GRK4: variants seen among roughly 807,000 people sequenced by gnomAD.
The protein encoded by GRK4 is G protein-coupled receptor kinase 2-like.
A neutral mutation model predicts 77.9 loss-of-function variants in GRK4; 73 were observed. The ratio of observed to expected loss-of-function variants is 0.94; its 90% CI spans 0.78 to 1.14. The LOEUF (loss-of-function observed/expected upper bound fraction) is 1.14. GRK4 is among the 50% of genes most tolerant of loss of function. GRK4 has a pLI of 0.00. For synonymous variants in GRK4, 257 were observed against 254.4 expected, an observed-to-expected ratio of 1.01 and a Z score of -0.10; for missense variants, 729 against 700.2, an observed-to-expected ratio of 1.04 and a Z score of -0.46.
intron 14 of GRK4, 82 bp downstream of exon 14, chr4:3,037,593 G>GTC (rs1741132241): frequency 7.0e-7 from 1 of 1,429,984 alleles, no homozygotes; most frequent in South Asian, 1.3e-5. Flanking sequence ...CCGTGTGTGT[G>GTC]TGTGTGTCTG....
chr4:2,998,066 A>C (rs551807192), intron 4 of GRK4, among the ~76,000 whole-genome samples: 1 of 152,186 alleles, frequency 6.6e-6, no homozygotes, highest in South Asian at 2.1e-4. Flanking sequence ...AAAAAGAAAT[A>C]AAAGGTATTC....
At chr4:3,019,976 A>C (rs945356953) in intron 9 of GRK4, 145 bp downstream of exon 9, 27 of 747,022 alleles carry the variant, frequency 3.6e-5, no homozygotes, top group Non-Finnish European at 5.4e-5. Flanking sequence ...AGGGTTGGTC[A>C]CTTACACTAT....
chr4:3,039,725 A>T (rs1262588543), intron 15 of GRK4, among the ~76,000 whole-genome samples: 1 of 151,990 alleles, frequency 6.6e-6, no homozygotes, highest in Non-Finnish European at 1.5e-5. Context: ...AAAGGAAAAA[A>T]AAATAAGCTT....
At chr4:2,978,479 G>A (rs957655447) in intron 1 of GRK4, among the ~76,000 whole-genome samples, 3 of 152,216 alleles carry the variant, frequency 2.0e-5, no homozygotes, top group Non-Finnish European at 2.9e-5. Flanking sequence ...AAGGGGAAAG[G>A]AAGAGGAAGC....
intron 4 of GRK4, among the ~76,000 whole-genome samples, chr4:3,000,492 C>T (rs1729187691): frequency 6.6e-6 from 1 of 152,012 alleles, no homozygotes; most frequent in South Asian, 2.1e-4. Flanking sequence ...GTGCCTGGAA[C>T]AATGCATATT....
At chr4:3,018,405 G>A (rs1429001409) in intron 8 of GRK4, among the ~76,000 whole-genome samples, 1 of 152,146 alleles carries the variant, frequency 6.6e-6, no homozygotes, top group Non-Finnish European at 1.5e-5. Flanking sequence ...GAGGTGGTGT[G>A]CACCTGTAGT....
chr4:2,993,293 C>T (rs1330297610), intron 4 of GRK4, among the ~76,000 whole-genome samples: 1 of 152,168 alleles, frequency 6.6e-6, no homozygotes. Flanking sequence ...CATGTGACTT[C>T]TGTTAGAAGT....
intron 8 of GRK4, 50 bp from the exon 9 acceptor site, chr4:3,019,591 C>T: frequency 7.0e-7 from 1 of 1,423,392 alleles, no homozygotes; most frequent in Non-Finnish European, 9.7e-7. Flanking sequence ...AGGAAATCAC[C>T]AATGAAAGAG....
rs772173426 is a variant in GRK4 at position 3,035,428 on chromosome 4, G to A, written c.1312G>A (p.Glu438Lys). Residue 438 changes from glutamate to lysine, a missense_variant, in exon 13 of 16, where the codon GAG (glutamate) becomes AAG (lysine). Coordinates refer to ENST00000398052, the MANE Select transcript of GRK4 (RefSeq NM_182982.3). The part of the protein sequence containing the change: ...NPSKRLGCRG[E>K]GAAGVKQHPV... ...AAGCAAGCGGCTGGGCTGCAGGGGC[G>A]AGGGAGCGGCTGGGGTGAAGCAGCA... 4.9e-5 allele frequency: 79 copies of A among 1,613,768 alleles called. No individual in the cohort carries two copies. Among genetic ancestry groups the A allele is most frequent in the Middle Eastern group, 1.7e-4 (1 of 6,022 alleles).
intron 10 of GRK4, among the ~76,000 whole-genome samples, chr4:3,025,294 C>G (rs1357025520): frequency 6.7e-6 from 1 of 150,036 alleles, no homozygotes; most frequent in East Asian, 1.9e-4. Context: ...AAAAAAGTCA[C>G]TCAGTATCAT....
At chr4:2,994,305 G>A (rs1727163880) in intron 4 of GRK4, among the ~76,000 whole-genome samples, 2 of 152,204 alleles carry the variant, frequency 1.3e-5, no homozygotes, top group Admixed American at 1.3e-4. Context: ...CTGCCTCCCG[G>A]GTTCAAGTGA....
At chr4:2,991,675 C>G (rs775042311) in intron 3 of GRK4, among the ~76,000 whole-genome samples, 3 of 152,116 alleles carry the variant, frequency 2.0e-5, no homozygotes, top group Non-Finnish European at 4.4e-5. Context: ...CCACACCCAG[C>G]TAATTTTTGT....
intron 13 of GRK4, among the ~76,000 whole-genome samples, chr4:3,036,440 G>A (rs1226872651): frequency 6.6e-6 from 1 of 152,262 alleles, no homozygotes; most frequent in African/African-American, 2.4e-5. Flanking sequence ...GGCCTTTGGA[G>A]CCACTGCTTT....
At chr4:3,040,310 G>A (rs1161979529) in intron 15 of GRK4, among the ~76,000 whole-genome samples, 2 of 152,036 alleles carry the variant, frequency 1.3e-5, no homozygotes, top group African/African-American at 2.4e-5. Context: ...GTGTGGTGGC[G>A]TGTGGCTGTG....
At chr4:3,017,742 A>AC (rs1367304233) in intron 8 of GRK4, among the ~76,000 whole-genome samples, 1 of 152,246 alleles carries the variant, frequency 6.6e-6, no homozygotes. Context: ...AAAGGGAAGA[A>AC]CCATATGGTC....
At chr4:3,035,272 G>A in intron 12 of GRK4, 114 bp from the exon 13 acceptor site, 1 of 1,033,468 alleles carries the variant, frequency 9.7e-7, no homozygotes, top group Non-Finnish European at 1.5e-6. Context: ...GAAATGATTT[G>A]TTAGATGCAC....
At chr4:3,011,869 T>C (rs550525765) in intron 7 of GRK4, among the ~76,000 whole-genome samples, 3 of 152,182 alleles carry the variant, frequency 2.0e-5, no homozygotes, top group African/African-American at 7.2e-5. Flanking sequence ...GTAAAGGAAT[T>C]GAGTAGACAT....
intron 11 of GRK4, among the ~76,000 whole-genome samples, chr4:3,028,898 A>G (rs1738354603): frequency 6.6e-6 from 1 of 151,866 alleles, no homozygotes; most frequent in African/African-American, 2.4e-5. Context: ...CAGCTTCCTG[A>G]GTATCTGGAA....
At chr4:3,000,857 G>A (rs1054331487) in intron 4 of GRK4, among the ~76,000 whole-genome samples, 11 of 151,808 alleles carry the variant, frequency 7.2e-5, no homozygotes, top group African/African-American at 2.2e-4. Context: ...CGTGAGCCAC[G>A]GCGCCTGGCC....
Sources: allele counts gnomAD v4.1 joint callset (sites outside exome capture counted in the v4.1 genomes callset), GRCh38; gene constraint gnomAD v4.1.1; transcripts MANE v1.5; gene names NCBI Gene and HGNC (gene_info 2026-07-23, HGNC 2026-07-21).